Variants in CUL5 observed in about 807,000 individuals in gnomAD.
CUL5 encodes cullin 5, also known as cullin-5.
A neutral mutation model predicts 108.8 loss-of-function variants in CUL5; 26 were observed. That is an observed-to-expected ratio of 0.24 (90% CI 0.18 to 0.33). The LOEUF (loss-of-function observed/expected upper bound fraction) is 0.33. Ranked by LOEUF, CUL5 falls within the 10% of genes least tolerant of loss-of-function variation. The probability of loss-of-function intolerance (pLI) is 1.00; values close to 1 mark genes in which losing one functional copy is unlikely to be tolerated. For synonymous variants in CUL5, 334 were observed against 298.0 expected, an observed-to-expected ratio of 1.12 and a Z score of -1.25; for missense variants, 524 against 909.2, an observed-to-expected ratio of 0.58 and a Z score of 5.45.
chr11:108,072,787 T>C (rs1591315630), intron 9 of CUL5, among the ~76,000 whole-genome samples: 1 of 152,168 alleles, frequency 6.6e-6, no homozygotes. Flanking sequence ...TATACATGCA[T>C]TGAAATATAA....
intron 7 of CUL5, among the ~76,000 whole-genome samples, chr11:108,068,309 C>T (rs1863739521): frequency 6.6e-6 from 1 of 150,378 alleles, no homozygotes; most frequent in East Asian, 1.9e-4. Context: ...CTGAAAAAAC[C>T]TTTTTTTTTG....
intron 7 of CUL5, among the ~76,000 whole-genome samples, chr11:108,069,540 GTTT>G (rs377700822): frequency 5.9e-5 from 9 of 151,582 alleles, no homozygotes; most frequent in Non-Finnish European, 1.2e-4. Flanking sequence ...TAGTTTCTAA[GTTT>G]TTTTTTATTT....
chr11:108,049,770 G>T, intron 3 of CUL5, 120 bp from the exon 4 acceptor site: 1 of 733,668 alleles, frequency 1.4e-6, no homozygotes, highest in East Asian at 2.8e-5. Flanking sequence ...ATTTCTTTTG[G>T]ATATAAGAGC....
chr11:108,078,213 A>G lies in CUL5; in HGVS notation c.1151A>G (p.Lys384Arg). The G allele has an allele frequency of 6.4e-7, 1 of 1,573,220 alleles. No individual in the cohort carries two copies. Among genetic ancestry groups the G allele is most frequent in the Non-Finnish European group, 8.6e-7 (1 of 1,157,094 alleles). Residue 384 changes from lysine (K) to arginine (R), a missense_variant, in exon 11 of 19, where the codon AAA (lysine) becomes AGA (arginine). By Grantham distance (26) the Lys-to-Arg change is conservative. Transcript: ENST00000393094. ...GTTGTTAATGATGCTACCATATTTAAACTTGAATTACCTTTGAAGCAGAAG... is the reference window on the plus strand; with the variant it reads ...GTTGTTAATGATGCTACCATATTTAGACTTGAATTACCTTTGAAGCAGAAG... ...KAVVNDATIF[K>R]LELPLKQKGV... is the part of the protein sequence containing the mutation.
intron 13 of CUL5, among the ~76,000 whole-genome samples, chr11:108,090,388 G>T (rs938712367): frequency 2.0e-5 from 3 of 152,110 alleles, no homozygotes; most frequent in Non-Finnish European, 4.4e-5. Context: ...TACTTGGGAG[G>T]CTGAGGCAGG....
At chr11:108,021,452 TAAC>T (rs1862324496) in intron 1 of CUL5, among the ~76,000 whole-genome samples, 1 of 152,200 alleles carries the variant, frequency 6.6e-6, no homozygotes, top group East Asian at 1.9e-4. Flanking sequence ...ACAGCAATAA[TAAC>T]AAATTCTTTG....
At chr11:108,048,477 G>A (rs1316073661) in intron 3 of CUL5, among the ~76,000 whole-genome samples, 2 of 152,046 alleles carry the variant, frequency 1.3e-5, no homozygotes, top group Non-Finnish European at 2.9e-5. Context: ...TTTTCACTGT[G>A]TGGTTTGTCA....
At chr11:108,039,243 C>G (rs1862826483) in intron 2 of CUL5, among the ~76,000 whole-genome samples, 1 of 152,132 alleles carries the variant, frequency 6.6e-6, no homozygotes, top group Non-Finnish European at 1.5e-5. Flanking sequence ...TGGTCTTGAA[C>G]TGCTGACCTC....
In CUL5 at chr11:108,050,326, TCTC is replaced by T. The variant is rs533348402; in HGVS notation, c.411+263_411+265del. Among the ~76,000 whole-genome samples the T allele has an allele frequency of 6.6e-5, 10 of 152,226 alleles. No homozygotes were observed. In the East Asian group the frequency reaches 1.7e-3, roughly 26 times the overall value. Reference sequence around the variant, plus strand: ...TTACTTTTCCTTTTTACTTTCTCCTTCTCCTGGTATTCAGTATTTTATTTCTCT... The same window carrying T: ...TTACTTTTCCTTTTTACTTTCTCCTTCTGGTATTCAGTATTTTATTTCTCT... On this transcript the variant is annotated intron_variant, in intron 4 of 18. Transcript: ENST00000393094.
At position 108,031,137 on chromosome 11, in the gene CUL5, G is replaced by A. The variant is rs368526737; in HGVS notation, c.25-2665G>A. 3.9e-5 allele frequency among the ~76,000 whole-genome samples: 6 copies of A among 152,236 alleles called. No individual in the cohort carries two copies. The East Asian group carries it at 9.6e-4, about 24-fold the overall frequency. ...AATTCTAGCACTTTGGAAGGCTGAGGAGGGTGGATCATATGAATCCAGGAG... is the reference window on the plus strand; with the variant it reads ...AATTCTAGCACTTTGGAAGGCTGAGAAGGGTGGATCATATGAATCCAGGAG... On this transcript the variant is annotated intron_variant, in intron 1 of 18. Coordinates refer to ENST00000393094, the MANE Select transcript of CUL5 (RefSeq NM_003478.6).
At chr11:108,103,605 G>T (rs912320780) in intron 18 of CUL5, among the ~76,000 whole-genome samples, 1 of 152,042 alleles carries the variant, frequency 6.6e-6, no homozygotes, top group Non-Finnish European at 1.5e-5. Flanking sequence ...GGTGTAAGGG[G>T]TTTGTTATAT....
intron 12 of CUL5, 63 bp from the exon 13 acceptor site, chr11:108,089,429 G>A: frequency 8.0e-7 from 1 of 1,248,368 alleles, no homozygotes; most frequent in Non-Finnish European, 1.1e-6. Flanking sequence ...GATATAGAAA[G>A]GTCTAAATTC....
chr11:108,025,275 CTT>C (rs1039362304), intron 1 of CUL5, among the ~76,000 whole-genome samples: 8 of 151,846 alleles, frequency 5.3e-5, no homozygotes, highest in African/African-American at 1.9e-4. Context: ...GGGTCAGCTT[CTT>C]TTGGTGATTT....
chr11:108,098,857 C>T (rs1400687884), intron 18 of CUL5, among the ~76,000 whole-genome samples: 2 of 152,038 alleles, frequency 1.3e-5, no homozygotes, highest in African/African-American at 4.8e-5. Context: ...CTTTTAAAAA[C>T]AGTTTAAAAC....
At chr11:108,019,596 T>C (rs112973741) in intron 1 of CUL5, among the ~76,000 whole-genome samples, 292 of 152,306 alleles carry the variant, frequency 1.9e-3, no homozygotes, top group Non-Finnish European at 3.5e-3. Context: ...AACGTAGTAG[T>C]GCAATAACAC....
intron 7 of CUL5, among the ~76,000 whole-genome samples, chr11:108,059,251 C>T (rs562286487): frequency 3.9e-4 from 60 of 152,220 alleles, no homozygotes; most frequent in Non-Finnish European, 5.4e-4. Context: ...CTTAGTATTT[C>T]CTGGGGAAAT....
At chr11:108,020,827 C>G (rs749288062) in intron 1 of CUL5, among the ~76,000 whole-genome samples, 3 of 152,084 alleles carry the variant, frequency 2.0e-5, no homozygotes, top group Admixed American at 1.3e-4. Flanking sequence ...TTAGCATAGC[C>G]TAAGTGTTTA....
chr11:108,094,397 G>A lies in CUL5; in HGVS notation c.1450G>A (p.Gly484Ser). ...CTTTGGTTTATATTTATAGGAAGTT[G>A]GTATGCCAGCGGATTATGTAAACAA... ...ENMVEWLREV[G>S]MPADYVNKLA... The change falls in exon 14 of 19, where the codon GGT (glycine) becomes AGT (serine). Residue 484 changes from glycine to serine, a missense_variant. Transcript: ENST00000393094. 1 of 1,579,814 alleles carries A rather than the reference G, an allele frequency of 6.3e-7. No individual in the cohort carries two copies. Among genetic ancestry groups the A allele is most frequent in the South Asian group, 1.2e-5 (1 of 82,654 alleles).
chr11:108,068,437 G>GC (rs1863743313), intron 7 of CUL5, among the ~76,000 whole-genome samples: 2 of 151,808 alleles, frequency 1.3e-5, no homozygotes, highest in Non-Finnish European at 2.9e-5. Flanking sequence ...TCCCACCTCA[G>GC]CCCCCCAACT....
Sources: allele counts gnomAD v4.1 joint callset (sites outside exome capture counted in the v4.1 genomes callset), GRCh38; gene constraint gnomAD v4.1.1; transcripts MANE v1.5; gene names NCBI Gene and HGNC (gene_info 2026-07-23, HGNC 2026-07-21).